The following NPIPB2 variants were observed in gnomAD, a reference collection of about 807,000 sequenced individuals.
NPIPB2 encodes the protein nuclear pore complex interacting protein family member B2.
Under a neutral mutation model 30.8 loss-of-function variants are expected in NPIPB2, and 27 were observed. The ratio of observed to expected loss-of-function variants is 0.88; its 90% CI spans 0.65 to 1.21. The LOEUF is 1.21. NPIPB2 is among the 50% of genes most tolerant of loss of function. The pLI, the probability that NPIPB2 is intolerant of heterozygous loss-of-function variation, is 0.00. For synonymous variants in NPIPB2, 147 were observed against 162.0 expected, an observed-to-expected ratio of 0.91 and a Z score of 0.70; for missense variants, 440 against 446.2, an observed-to-expected ratio of 0.99 and a Z score of 0.13.
intron 1 of NPIPB2, among the ~76,000 whole-genome samples, chr16:11,972,841 C>G (rs1180912519): frequency 1.4e-5 from 2 of 138,370 alleles, no homozygotes; most frequent in African/African-American, 2.7e-5. Flanking sequence ...TCCAGGCTGG[C>G]AACAGAGCGA....
At chr16:11,941,756 C>G (rs890722350) in intron 1 of NPIPB2, 6 of 915,386 alleles carry the variant, frequency 6.6e-6, no homozygotes, top group South Asian at 5.6e-5. Flanking sequence ...AAGTAGCGCC[C>G]GCATCATTCC....
chr16:11,948,443 T>C (rs2055032785), intron 1 of NPIPB2, among the ~76,000 whole-genome samples: 1 of 152,026 alleles, frequency 6.6e-6, no homozygotes, highest in Non-Finnish European at 1.5e-5. Context: ...CAAGTACCAA[T>C]TCATAGGAAA....
At chr16:11,952,224 T>C (rs1363917440) in intron 1 of NPIPB2, among the ~76,000 whole-genome samples, 3 of 149,628 alleles carry the variant, frequency 2.0e-5, no homozygotes, top group Non-Finnish European at 4.4e-5. Flanking sequence ...GGCGGGCGTC[T>C]GTAGTCCCAG....
intron 1 of NPIPB2, among the ~76,000 whole-genome samples, chr16:11,964,222 T>A (rs1455220096): frequency 6.8e-6 from 1 of 147,652 alleles, no homozygotes; most frequent in East Asian, 2.0e-4. Flanking sequence ...TGTGGATTTT[T>A]AAAATGGTTT....
At chr16:11,961,586 C>A (rs1352461121) in intron 1 of NPIPB2, among the ~76,000 whole-genome samples, 1 of 151,574 alleles carries the variant, frequency 6.6e-6, no homozygotes, top group Non-Finnish European at 1.5e-5. Flanking sequence ...TCGAGACCAG[C>A]CTGGCCAACA....
chr16:11,947,126 AT>A (rs987716642), intron 1 of NPIPB2, among the ~76,000 whole-genome samples: 3 of 145,982 alleles, frequency 2.1e-5, no homozygotes, highest in African/African-American at 7.4e-5. Flanking sequence ...TAATTAAACA[AT>A]TTTTTTTGTT....
At chr16:11,966,129 A>C in intron 1 of NPIPB2, 1 of 1,446,724 alleles carries the variant, frequency 6.9e-7, no homozygotes. Flanking sequence ...TAAATAAATA[A>C]TAACAATAAA....
rs2054921020 is a variant in NPIPB2, at chr16:11,940,419, T to C, written c.63+1564A>G. Among the ~76,000 whole-genome samples, 3 of 142,028 alleles carry C rather than the reference T, an allele frequency of 2.1e-5. No individual in the cohort carries two copies. In the South Asian group the frequency reaches 7.0e-4, roughly 33 times the overall value. 93.2% of individuals were successfully genotyped at this position (142,028 alleles called of 152,430 possible). On this transcript the variant is annotated intron_variant, in intron 1 of 7. Coordinates refer to ENST00000399147, the Ensembl canonical transcript of NPIPB2. ...GTTGGTTTATGCTGGTGTATGTACTTTCCAAAGTTAGTAAACTTACACTTA... is the reference window on the plus strand; with the variant it reads ...GTTGGTTTATGCTGGTGTATGTACTCTCCAAAGTTAGTAAACTTACACTTA...
At chr16:11,938,175 T>C (rs1341347656) in intron 1 of NPIPB2, among the ~76,000 whole-genome samples, 2 of 151,808 alleles carry the variant, frequency 1.3e-5, no homozygotes, top group Admixed American at 6.6e-5. Flanking sequence ...TCTGCCACCA[T>C]GCCCGACTAA....
At chr16:11,933,875 G>A in exon 3 of NPIPB2, 1 of 1,566,308 alleles carries the variant, frequency 6.4e-7, no homozygotes, top group Non-Finnish European at 8.7e-7. Context: ...TACATCTGTG[G>A]ATACATCATG....
chr16:11,971,443 G>C (rs554902145), intron 1 of NPIPB2, among the ~76,000 whole-genome samples: 1 of 151,594 alleles, frequency 6.6e-6, no homozygotes, highest in South Asian at 2.1e-4. Context: ...ATGGGGGAGT[G>C]GGGTGGTGGG....
chr16:11,940,846 GT>G (rs2054929333), intron 1 of NPIPB2, among the ~76,000 whole-genome samples: 1 of 139,406 alleles, frequency 7.2e-6, no homozygotes, highest in South Asian at 2.5e-4. Flanking sequence ...CATTTTGTTT[GT>G]TAGAGACAAG....
At chr16:11,957,137 A>T (rs979768468) in intron 1 of NPIPB2, among the ~76,000 whole-genome samples, 1 of 141,242 alleles carries the variant, frequency 7.1e-6, no homozygotes, top group Non-Finnish European at 1.5e-5. Flanking sequence ...GATTACAGGT[A>T]TGTGCCACCA....
intron 1 of NPIPB2, among the ~76,000 whole-genome samples, chr16:11,975,249 G>T (rs1010095571): frequency 9.3e-6 from 1 of 107,482 alleles, no homozygotes; most frequent in African/African-American, 3.4e-5. Context: ...CCGGGTTCAC[G>T]CCATTCTCCT....
At chr16:11,967,746 G>T (rs2055206991) in intron 1 of NPIPB2, 1 of 1,614,116 alleles carries the variant, frequency 6.2e-7, no homozygotes, top group African/African-American at 1.3e-5. Context: ...TATGGAGGAA[G>T]GCGCAACCAT....
At chr16:11,967,980 TTA>T (rs1017289106) in intron 1 of NPIPB2, 2 of 974,952 alleles carry the variant, frequency 2.1e-6, no homozygotes, top group African/African-American at 3.3e-5. Context: ...TGGAAACTCT[TTA>T]TGTTAGATAT....
chr16:11,942,225 A>G (rs542871188), upstream of NPIPB2: 10 of 640,994 alleles, frequency 1.6e-5, no homozygotes, highest in African/African-American at 1.8e-4. Context: ...TTTGAGAGCA[A>G]TCAAATCACA....
In NPIPB2 at chr16:11,947,494, G is replaced by A. The variant is rs1437400974; in HGVS notation, c.-583-5380C>T. Among the ~76,000 whole-genome samples, 4 of 151,578 alleles carry A rather than the reference G, an allele frequency of 2.6e-5. No individual in the cohort carries two copies. The South Asian group carries it at 6.2e-4, about 24-fold the overall frequency. On this transcript the variant is annotated intron_variant, in intron 1 of 5. Coordinates refer to the NPIPB2 transcript ENST00000538896. ...CGAGTAGCTAGGACTACAGGCGCAC[G>A]ATGCCACGCCCCGCTAATTTTTTGT... is the stretch of plus-strand genomic sequence containing the variant.
exon 8 of NPIPB2, chr16:11,927,456 C>A (rs763286383): frequency 1.8e-6 from 2 of 1,126,068 alleles, no homozygotes; most frequent in South Asian, 1.4e-5. Flanking sequence ...ACCTCAGCGG[C>A]CCTCCGCCTC....
Sources: gnomAD v4.1 joint callset for allele counts (sites outside exome capture counted in the v4.1 genomes callset) on GRCh38, gnomAD v4.1.1 for gene constraint, MANE v1.5 for transcripts, NCBI Gene and HGNC (gene_info 2026-07-23, HGNC 2026-07-21) for gene names.